The following PLCE1 variants were observed in gnomAD, a reference collection of about 807,000 sequenced individuals.
PLCE1 encodes phospholipase C epsilon 1.
Under a neutral mutation model 242.8 loss-of-function variants are expected in PLCE1, and 119 were observed. That is an observed-to-expected ratio of 0.49 (90% CI 0.42 to 0.57). PLCE1 has a LOEUF of 0.57. Ranked by LOEUF, PLCE1 falls within the 20% of genes least tolerant of loss-of-function variation. The pLI, the probability that PLCE1 is intolerant of heterozygous loss-of-function variation, is 0.00. For missense variants in PLCE1, 2,441 were observed against 2,788.8 expected, an observed-to-expected ratio of 0.88 and a Z score of 2.81; for synonymous variants, 945 against 1,017.4, an observed-to-expected ratio of 0.93 and a Z score of 1.35.
At chr10:94,041,658 G>A (rs1351605700) in intron 2 of PLCE1, among the ~76,000 whole-genome samples, 1 of 152,184 alleles carries the variant, frequency 6.6e-6, no homozygotes, top group Admixed American at 6.5e-5. Context: ...AGAACCCCCA[G>A]TGCTTCCTAG....
At chr10:93,997,047 C>G (rs1264763589) in intron 1 of PLCE1, among the ~76,000 whole-genome samples, 1 of 152,176 alleles carries the variant, frequency 6.6e-6, no homozygotes, top group East Asian at 1.9e-4. Flanking sequence ...GTTGGTAACA[C>G]TATGGTGCTT....
intron 2 of PLCE1, among the ~76,000 whole-genome samples, chr10:94,129,065 C>G (rs920771094): frequency 2.0e-5 from 3 of 152,172 alleles, no homozygotes; most frequent in African/African-American, 7.2e-5. Flanking sequence ...TTTGTGACCT[C>G]CCTACATTAG....
At chr10:94,141,951 A>G (rs948612938) in intron 3 of PLCE1, among the ~76,000 whole-genome samples, 1 of 152,210 alleles carries the variant, frequency 6.6e-6, no homozygotes, top group African/African-American at 2.4e-5. Flanking sequence ...CAACCATTAG[A>G]TTCCAAAACT....
intron 3 of PLCE1, among the ~76,000 whole-genome samples, chr10:94,139,667 G>T (rs1257278654): frequency 6.6e-6 from 1 of 152,124 alleles, no homozygotes; most frequent in Non-Finnish European, 1.5e-5. Context: ...GGGCAGCTGT[G>T]CTGGGTGAGC....
At chr10:94,127,987 CT>C (rs33916545) in intron 2 of PLCE1, among the ~76,000 whole-genome samples, 1,272 of 118,248 alleles carry the variant, frequency 0.011, 8 homozygotes, top group African/African-American at 0.032. Flanking sequence ...AATACCTTGA[CT>C]TTTTTTTTTT....
At chr10:94,270,867 G>A (rs575758493) in intron 18 of PLCE1, among the ~76,000 whole-genome samples, 7 of 152,136 alleles carry the variant, frequency 4.6e-5, no homozygotes, top group East Asian at 1.9e-4. Context: ...ATGAGGTTTC[G>A]CCATGATGGC....
At chr10:94,314,111 C>T (rs531451627) in intron 28 of PLCE1, among the ~76,000 whole-genome samples, 1 of 152,196 alleles carries the variant, frequency 6.6e-6, no homozygotes, top group South Asian at 2.1e-4. Context: ...GGTCCCCATC[C>T]ATGGGGGGAC....
chr10:94,132,316 T>C lies in PLCE1; in HGVS notation c.1349T>C (p.Val450Ala), dbSNP rs116996657. The C allele has an allele frequency of 1.4e-5, 22 of 1,613,966 alleles. No individual in the cohort carries two copies. In the East Asian group the frequency reaches 4.7e-4, roughly 34 times the overall value. The part of the protein sequence containing the change: ...PCLKQCVRDT[V>A]CEYRATLQRT... ...TTAAAGCAATGTGTCCGAGACACTGTATGTGAGTATCGCGCCACCCTCCAA... is the reference window on the plus strand; with the variant it reads ...TTAAAGCAATGTGTCCGAGACACTGCATGTGAGTATCGCGCCACCCTCCAA... The change falls in exon 3 of 33, where the codon GTA (valine) becomes GCA (alanine). Residue 450 changes from valine (V) to alanine (A), a missense_variant. Val to Ala is a moderately conservative substitution (Grantham distance 64). Coordinates refer to ENST00000371380, the MANE Select transcript of PLCE1 (RefSeq NM_016341.4).
intron 2 of PLCE1, among the ~76,000 whole-genome samples, chr10:94,077,846 C>T (rs545105182): frequency 6.6e-5 from 10 of 152,044 alleles, no homozygotes; most frequent in South Asian, 2.1e-4. Context: ...TTTGTTTCTG[C>T]GAGATAAAGA....
intron 4 of PLCE1, among the ~76,000 whole-genome samples, chr10:94,175,372 C>CTCAT (rs3053179): frequency 4.0e-4 from 60 of 151,122 alleles, no homozygotes; most frequent in Non-Finnish European, 6.0e-4. Context: ...CCATTACTCC[C>CTCAT]TCATTCATTC....
chr10:94,277,526 G>C (rs761389894), intron 19 of PLCE1, among the ~76,000 whole-genome samples: 1 of 152,120 alleles, frequency 6.6e-6, no homozygotes, highest in Non-Finnish European at 1.5e-5. Flanking sequence ...TCCACTTTCA[G>C]ACACTGCTAT....
At chr10:94,007,895 T>C (rs961184375) in intron 1 of PLCE1, among the ~76,000 whole-genome samples, 11 of 151,600 alleles carry the variant, frequency 7.3e-5, no homozygotes, top group Admixed American at 3.3e-4. Flanking sequence ...TTTAAGAATA[T>C]GGCCAGGCAT....
intron 2 of PLCE1, among the ~76,000 whole-genome samples, chr10:94,077,661 C>T (rs779746420): frequency 1.2e-4 from 19 of 152,040 alleles, no homozygotes; most frequent in Admixed American, 4.6e-4. Flanking sequence ...CTAGCTACTC[C>T]GGAGGCTGAG....
At chr10:94,027,030 A>T (rs185900502) in intron 1 of PLCE1, among the ~76,000 whole-genome samples, 1 of 152,292 alleles carries the variant, frequency 6.6e-6, no homozygotes, top group Non-Finnish European at 1.5e-5. Flanking sequence ...AAGTGGTTAA[A>T]ATTTTTACCT....
chr10:94,295,544 ATTAAC>A (rs2052784081), intron 23 of PLCE1, among the ~76,000 whole-genome samples: 1 of 152,158 alleles, frequency 6.6e-6, no homozygotes, highest in African/African-American at 2.4e-5. Flanking sequence ...GAAGTTTGGA[ATTAAC>A]TTCTCCCAAA....
Position 94,324,971 on chromosome 10 carries a change from G to T in PLCE1, c.6800G>T (p.Arg2267Leu). 6.2e-7 allele frequency: 1 copy of T among 1,614,108 alleles called. No individual in the cohort carries two copies. Among genetic ancestry groups the T allele is most frequent in the Non-Finnish European group, 8.5e-7 (1 of 1,179,988 alleles). ...KKLTKSTKQP[R>L]GLTSPSQLLT... Reference sequence around the variant, plus strand: ...CTCACCAAGTCAACTAAACAGCCCCGAGGACTTACATCACCTTCTCAGCTC... The same window carrying T: ...CTCACCAAGTCAACTAAACAGCCCCTAGGACTTACATCACCTTCTCAGCTC... The change falls in exon 32 of 33, where the codon CGA becomes CTA. Residue 2267 changes from arginine to leucine, a missense_variant. Arg to Leu is a moderately radical substitution (Grantham distance 102). Around this residue, in one of 5 missense-constraint regions of PLCE1, gnomAD observed 310 missense variants for 317.2 expected, o/e 0.98. Transcript: ENST00000371380.
At chr10:94,187,893 G>A (rs1006868886) in intron 4 of PLCE1, among the ~76,000 whole-genome samples, 7 of 152,128 alleles carry the variant, frequency 4.6e-5, no homozygotes, top group Admixed American at 3.3e-4. Context: ...ACTGGCCCTA[G>A]ACAAAAATCC....
At chr10:93,997,208 C>T (rs72812638) in intron 1 of PLCE1, among the ~76,000 whole-genome samples, 197 of 152,262 alleles carry the variant, frequency 1.3e-3, no homozygotes, top group Admixed American at 4.0e-3. Context: ...AATTTGGCTA[C>T]AAAACTTGGT....
At chr10:94,170,042 A>G (rs1177712035) in intron 3 of PLCE1, among the ~76,000 whole-genome samples, 1 of 152,208 alleles carries the variant, frequency 6.6e-6, no homozygotes, top group Non-Finnish European at 1.5e-5. Flanking sequence ...AATAATACAG[A>G]CATGAAGCAG....
Sources: allele counts gnomAD v4.1 joint callset (sites outside exome capture counted in the v4.1 genomes callset), GRCh38; gene constraint gnomAD v4.1.1; regional missense constraint gnomAD v4.1.1; transcripts MANE v1.5; gene names NCBI Gene and HGNC (gene_info 2026-07-23, HGNC 2026-07-21).